The following GAPVD1 variants were observed in gnomAD, a reference collection of about 807,000 sequenced individuals.
GAPVD1 encodes the protein GTPase activating protein and VPS9 domains 1.
Under a neutral mutation model 155.5 loss-of-function variants are expected in GAPVD1, and 35 were observed. The observed-to-expected ratio is 0.23, with a 90% CI of 0.17 to 0.30. The LOEUF (loss-of-function observed/expected upper bound fraction) is 0.30. Among genes scored for constraint, GAPVD1 ranks in the 10% least tolerant of loss-of-function variants. The pLI, the probability that GAPVD1 is intolerant of heterozygous loss-of-function variation, is 1.00. For missense variants in GAPVD1, 1,429 were observed against 1,775.7 expected (o/e 0.80, Z 3.51); for synonymous variants, 636 against 619.7 (o/e 1.03, Z -0.39).
At chr9:125,305,008 A>G (rs1841547913) in intron 5 of GAPVD1, 55 bp from the exon 6 acceptor site, 3 of 1,128,258 alleles carry the variant, frequency 2.7e-6, no homozygotes, top group Non-Finnish European at 2.7e-6. Context: ...ATAGAGACGT[A>G]TTTGTGAGTA....
At chr9:125,267,211 T>G (rs1161023252) in intron 1 of GAPVD1, among the ~76,000 whole-genome samples, 1 of 152,214 alleles carries the variant, frequency 6.6e-6, no homozygotes, top group Admixed American at 6.6e-5. Flanking sequence ...ACATAGAAGA[T>G]GCACATTTTA....
At position 125,305,046 on chromosome 9, in the gene GAPVD1, AC is replaced by A. The variant is rs1472431076; in HGVS notation, c.1030-16del. On this transcript the variant is annotated splice_polypyrimidine_tract_variant and intron_variant, in intron 5 of 27. Transcript: ENST00000297933. ...TGTCTGTAGCTTATGTCTCCCTACC[AC>A]TGCTTTGGGTTGCAGGTAGGCCGCC... The A allele has an allele frequency of 6.4e-7, 1 of 1,571,168 alleles. No individual in the cohort carries two copies.
chr9:125,353,466 C>G (rs1204793436), intron 23 of GAPVD1, among the ~76,000 whole-genome samples: 2 of 152,150 alleles, frequency 1.3e-5, no homozygotes, highest in Non-Finnish European at 2.9e-5. Context: ...TGCCTGTTAC[C>G]CAGTTCCAAA....
At chr9:125,341,584 A>G in intron 18 of GAPVD1, 1 of 189,230 alleles carries the variant, frequency 5.3e-6, no homozygotes, top group Non-Finnish European at 1.1e-5. Context: ...ATTGCAGGAA[A>G]ATGGGACGTT....
chr9:125,324,094 T>C (rs146812220), intron 11 of GAPVD1, among the ~76,000 whole-genome samples, 171 bp downstream of exon 11: 1 of 152,332 alleles, frequency 6.6e-6, no homozygotes, highest in Admixed American at 6.5e-5. Flanking sequence ...AGTTGGTAAG[T>C]GGATTGTTTA....
In GAPVD1 at chr9:125,300,039, ATATATAT is replaced by A. The variant is rs1433448772; in HGVS notation, c.185+934_185+940del. Among the ~76,000 whole-genome samples, 68 of 15,144 alleles carry A rather than the reference ATATATAT, an allele frequency of 4.5e-3. 14 individuals carry two copies. The highest frequency in any genetic ancestry group is 4.7e-3 in the Non-Finnish European group (39 of 8,300). The allele number at this position is 15,144 out of a possible 152,430, so 9.9% of individuals were successfully genotyped here. ...GTCTCAAAAGAAAAAAAAAAAAAAA[ATATATAT>A]ATATATATATATATATATATATATA... On this transcript the variant is annotated intron_variant, in intron 4 of 27. Coordinates refer to ENST00000297933, the MANE Select transcript of GAPVD1 (RefSeq NM_001282680.3).
At chr9:125,331,884 A>G (rs1387798162) in intron 13 of GAPVD1, 42 bp from the exon 14 acceptor site, 2 of 1,603,486 alleles carry the variant, frequency 1.2e-6, no homozygotes, top group East Asian at 2.2e-5. Flanking sequence ...GTGGTGTGCT[A>G]AGAGAATCAC....
At chr9:125,350,143 TTCTTTTAA>T in intron 21 of GAPVD1, 144 bp from the exon 22 acceptor site, 1 of 566,294 alleles carries the variant, frequency 1.8e-6, no homozygotes, top group East Asian at 3.5e-5. Flanking sequence ...AGAAAGCCTG[TTCTTTTAA>T]GTGGAGTGTC....
chr9:125,360,591 A>G lies in GAPVD1; in HGVS notation c.4108A>G (p.Lys1370Glu). 1 of 1,614,044 alleles carries G rather than the reference A, an allele frequency of 6.2e-7. No homozygotes were observed. The highest frequency in any genetic ancestry group is 8.5e-7 in the Non-Finnish European group (1 of 1,179,902). ...QSEIRTISAY[K>E]TPRDKVQCIL... ...AGAAATCAGGACAATAAGTGCTTAT[A>G]AAACCCCCCGGGACAAAGTGCAGTG... The change falls in exon 27 of 28, where the codon AAA becomes GAA. Residue 1370 changes from lysine (K) to glutamate (E), a missense_variant. Physicochemically the swap from Lys to Glu is moderately conservative, Grantham distance 56. Coordinates refer to ENST00000297933, the MANE Select transcript of GAPVD1 (RefSeq NM_001282680.3).
Position 125,363,680 on chromosome 9 carries a change from G to A in GAPVD1, c.*934G>A, listed in dbSNP as rs1187675235. On this transcript the variant is annotated 3_prime_UTR_variant, in exon 28 of 28. Transcript: ENST00000297933. ...CAGAGCTCCTTACAAACCTTTAATT[G>A]TAATATATTTTTGATGATTATTCAC... 2.0e-5 allele frequency: 3 copies of A among 152,572 alleles called. No individual in the cohort carries two copies. The highest frequency in any genetic ancestry group is 4.1e-4 in the South Asian group (2 of 4,830). The allele number at this position is 152,572 out of a possible 1,614,324, so 9.5% of individuals were successfully genotyped here. A position where few individuals can be genotyped will look rare whatever the true frequency, so the allele number is the denominator to read the frequency against.
At chr9:125,301,918 G>GT in intron 4 of GAPVD1, 65 bp from the exon 5 acceptor site, 4 of 1,238,612 alleles carry the variant, frequency 3.2e-6, no homozygotes, top group Non-Finnish European at 4.4e-6. Context: ...TTTGGATATA[G>GT]TATATGTGTT....
At chr9:125,297,133 G>C (rs184693571) in intron 3 of GAPVD1, among the ~76,000 whole-genome samples, 51 of 152,268 alleles carry the variant, frequency 3.3e-4, no homozygotes, top group Non-Finnish European at 4.4e-5. Flanking sequence ...TGTGCTATTT[G>C]TATCAGTTTG....
chr9:125,332,399 A>T, intron 14 of GAPVD1, 111 bp from the exon 15 acceptor site: 1 of 824,994 alleles, frequency 1.2e-6, no homozygotes, highest in Non-Finnish European at 1.9e-6. Context: ...TCACATGTAT[A>T]GAACTGGGAC....
rs989104029 is a variant in GAPVD1 at position 125,366,266 on chromosome 9, T to G, written c.*3520T>G. On this transcript the variant is annotated 3_prime_UTR_variant, in exon 28 of 28. Transcript: ENST00000297933. ...GGGCTGTGTTCTTGCCGTAAGAATCTGTAGCTGACTGGTGTGCTGAACCCG... is the reference window on the plus strand; with the variant it reads ...GGGCTGTGTTCTTGCCGTAAGAATCGGTAGCTGACTGGTGTGCTGAACCCG... 2.0e-5 allele frequency: 3 copies of G among 152,246 alleles called. No homozygotes were observed. The highest frequency in any genetic ancestry group is 4.4e-5 in the Non-Finnish European group (3 of 68,048). 9.4% of individuals were successfully genotyped at this position (152,246 alleles called of 1,614,324 possible). A position where few individuals can be genotyped will look rare whatever the true frequency, so the allele number is the denominator to read the frequency against.
At position 125,302,840 on chromosome 9, in the gene GAPVD1, AT is replaced by A; in HGVS notation, c.1029+16del. 1.3e-6 allele frequency: 2 copies of A among 1,566,670 alleles called. No individual in the cohort carries two copies. Among genetic ancestry groups the A allele is most frequent in the East Asian group, 4.5e-5 (2 of 44,392 alleles). Reference sequence around the variant, plus strand: ...AATCTGATGCAGGTATGCTTTTGCTATTATTATTAACGTGGCATTTAGTTTA... The same window carrying A: ...AATCTGATGCAGGTATGCTTTTGCTATATTATTAACGTGGCATTTAGTTTA... On this transcript the variant is annotated intron_variant, in intron 5 of 27. Transcript: ENST00000297933.
chr9:125,316,837 A>T (rs1030483772), intron 9 of GAPVD1, among the ~76,000 whole-genome samples: 1 of 152,224 alleles, frequency 6.6e-6, no homozygotes, highest in Non-Finnish European at 1.5e-5. Context: ...ATAACAGTTG[A>T]ACTAATTTAC....
At chr9:125,331,360 C>CAAAAAAAA (rs1846047418) in intron 13 of GAPVD1, among the ~76,000 whole-genome samples, 2 of 152,134 alleles carry the variant, frequency 1.3e-5, no homozygotes, top group Admixed American at 6.5e-5. Context: ...GCCACCACGC[C>CAAAAAAAA]TAGCTAGTTT....
At position 125,364,232 on chromosome 9, in the gene GAPVD1, T is replaced by A. The variant is rs1851286309; in HGVS notation, c.*1486T>A. The A allele has an allele frequency of 6.6e-6, 1 of 151,220 alleles. No individual in the cohort carries two copies. 9.4% of individuals were successfully genotyped at this position (151,220 alleles called of 1,614,324 possible). A position where few individuals can be genotyped will look rare whatever the true frequency, so the allele number is the denominator to read the frequency against. Reference sequence around the variant, plus strand: ...TGCCTAAAGATTTTATTTTTTTTTCTTTGTTTTTATTTTATTTTATTTTAT... The same window carrying A: ...TGCCTAAAGATTTTATTTTTTTTTCATTGTTTTTATTTTATTTTATTTTAT... On this transcript the variant is annotated 3_prime_UTR_variant, in exon 28 of 28. Coordinates refer to ENST00000297933, the MANE Select transcript of GAPVD1 (RefSeq NM_001282680.3).
At chr9:125,333,478 C>CTT (rs1315138606) in intron 15 of GAPVD1, among the ~76,000 whole-genome samples, 1 of 148,390 alleles carries the variant, frequency 6.7e-6, no homozygotes, top group Non-Finnish European at 1.5e-5. Context: ...TTTGAGGTAC[C>CTT]TTTTGTCTTT....
Sources: allele counts gnomAD v4.1 joint callset (sites outside exome capture counted in the v4.1 genomes callset), GRCh38; gene constraint gnomAD v4.1.1; transcripts MANE v1.5; gene names NCBI Gene and HGNC (gene_info 2026-07-23, HGNC 2026-07-21).